The following MED13 variants were observed in gnomAD, a reference collection of about 807,000 sequenced individuals.
MED13 encodes the protein mediator complex subunit 13.
In MED13, 23 loss-of-function variants were observed where a neutral mutation model predicts 225.2. The observed-to-expected ratio is 0.10, with a 90% confidence interval of 0.07 to 0.14. The LOEUF is 0.14. MED13 is among the 10% of genes least tolerant of loss of function. The pLI is 1.00. For synonymous variants in MED13, 942 were observed against 889.2 expected (o/e 1.06, Z -1.06); for missense variants, 2,197 against 2,594.5 (o/e 0.85, Z 3.33).
intron 22 of MED13, 139 bp from the exon 23 acceptor site, chr17:61,961,229 T>C (rs1383385769): frequency 2.5e-6 from 2 of 799,976 alleles, no homozygotes; most frequent in African/African-American, 1.7e-5. Flanking sequence ...TAGTTTTGCA[T>C]AGTATCATAA....
At chr17:61,997,476 A>C (rs2080356382) in intron 9 of MED13, among the ~76,000 whole-genome samples, 2 of 152,120 alleles carry the variant, frequency 1.3e-5, no homozygotes, top group African/African-American at 4.8e-5. Flanking sequence ...CGGTTAGCTG[A>C]ATTGTCTACC....
Position 61,955,807 on chromosome 17 carries a change from C to A in MED13, c.5655G>T (p.Leu1885Phe). 6.5e-7 allele frequency: 1 copy of A among 1,548,128 alleles called. No homozygotes were observed. Among genetic ancestry groups the A allele is most frequent in the African/African-American group, 1.5e-5 (1 of 66,416 alleles). Residue 1885 changes from leucine (L) to phenylalanine (F), a missense_variant, in exon 25 of 30, where the codon TTG becomes TTT. Physicochemically the swap from Leu to Phe is conservative, Grantham distance 22 (BLOSUM62 0). Transcript: ENST00000397786. ...DWSCLLSRRN[L>F]QSLSKRLKDM... ...CTTTGAGCCTTTTACTTAGAGACTG[C>A]AAGTTTCGACGACTCAGCAAACAGC...
chr17:61,960,734 TAAAA>T, intron 23 of MED13, 129 bp downstream of exon 23: 1 of 562,990 alleles, frequency 1.8e-6, no homozygotes. Context: ...AAGAAAAAAG[TAAAA>T]AGCACCCACA....
At chr17:62,033,593 G>A (rs911690633) in intron 5 of MED13, among the ~76,000 whole-genome samples, 194 bp downstream of exon 5, 1 of 152,160 alleles carries the variant, frequency 6.6e-6, no homozygotes, top group Non-Finnish European at 1.5e-5. Flanking sequence ...TTTAACCTAG[G>A]TTACAGAATG....
At chr17:62,021,143 CCT>C (rs1429163138) in intron 8 of MED13, among the ~76,000 whole-genome samples, 2 of 151,482 alleles carry the variant, frequency 1.3e-5, no homozygotes, top group Admixed American at 6.6e-5. Flanking sequence ...CCGCCTTTCC[CCT>C]CTTTCTATTC....
At chr17:61,966,696 G>A (rs2080062042) in intron 18 of MED13, 45 bp from the exon 19 acceptor site, 1 of 1,328,146 alleles carries the variant, frequency 7.5e-7, no homozygotes, top group Non-Finnish European at 1.0e-6. Flanking sequence ...ATTTATTATT[G>A]TATTTAGATA....
chr17:62,029,774 GTTTATAC>G (rs775338333), intron 7 of MED13, 70 bp downstream of exon 7: 2 of 1,520,110 alleles, frequency 1.3e-6, no homozygotes, highest in South Asian at 1.3e-5. Flanking sequence ...ACAAATGACT[GTTTATAC>G]TTTAGATATC....
In MED13 at chr17:61,984,289, G is replaced by C; in HGVS notation, c.2770C>G (p.Pro924Ala). Reference sequence around the variant, plus strand: ...TTGATAGGGGGCAGATATTGGCTTGGTAGAGTTTTTAGAGGTGCAAACATG... The same window carrying C: ...TTGATAGGGGGCAGATATTGGCTTGCTAGAGTTTTTAGAGGTGCAAACATG... ...CSMFAPLKTL[P>A]SQYLPPIKLP... The change falls in exon 15 of 30, where the codon CCA (proline) becomes GCA (alanine). Residue 924 changes from proline to alanine, a missense_variant. Transcript: ENST00000397786. 6.2e-7 allele frequency: 1 copy of C among 1,611,342 alleles called. No individual in the cohort carries two copies. Among genetic ancestry groups the C allele is most frequent in the South Asian group, 1.1e-5 (1 of 90,646 alleles).
intron 9 of MED13, chr17:62,003,821 C>T (rs1229967538): frequency 6.6e-6 from 1 of 152,116 alleles, no homozygotes. Flanking sequence ...TCCAGTACCA[C>T]TCTACCCTGC....
intron 27 of MED13, 71 bp from the exon 28 acceptor site, chr17:61,951,069 G>T: frequency 8.4e-7 from 1 of 1,191,510 alleles, no homozygotes; most frequent in Non-Finnish European, 1.2e-6. Flanking sequence ...AACACAGAAT[G>T]GCTCATAGCA....
At chr17:61,990,315 T>C (rs2080284856) in intron 11 of MED13, among the ~76,000 whole-genome samples, 2 of 151,874 alleles carry the variant, frequency 1.3e-5, no homozygotes, top group South Asian at 4.1e-4. Flanking sequence ...CACACACACA[T>C]ATATATACAC....
chr17:62,031,709 AC>A, intron 5 of MED13, 71 bp from the exon 6 acceptor site: 1 of 982,652 alleles, frequency 1.0e-6, no homozygotes, highest in Non-Finnish European at 1.4e-6. Context: ...ACTCAAAAGT[AC>A]TATAATGGAA....
Position 61,945,390 on chromosome 17 carries a change from A to G in MED13, c.*1078T>C, listed in dbSNP as rs2079844701. 6.6e-6 allele frequency: 1 copy of G among 152,628 alleles called. No individual in the cohort carries two copies. Among genetic ancestry groups the G allele is most frequent in the East Asian group, 1.9e-4 (1 of 5,202 alleles). 9.5% of individuals were successfully genotyped at this position (152,628 alleles called of 1,614,324 possible). A position where few individuals can be genotyped will look rare whatever the true frequency, so the allele number is the denominator to read the frequency against. On this transcript the variant is annotated 3_prime_UTR_variant, in exon 30 of 30. Transcript: ENST00000397786. ...AGCAGATCCTGAAAATAAATTTCAT[A>G]ATAATATTTCCATGCCTAAATATGC...
intron 8 of MED13, among the ~76,000 whole-genome samples, chr17:62,016,169 G>C (rs986918135): frequency 8.1e-6 from 1 of 124,126 alleles, no homozygotes; most frequent in Non-Finnish European, 1.6e-5. Context: ...AAAAAACCAA[G>C]AACAACAACA....
chr17:61,987,596 T>A (rs1176950771), intron 11 of MED13, among the ~76,000 whole-genome samples: 1 of 152,106 alleles, frequency 6.6e-6, no homozygotes, highest in Non-Finnish European at 1.5e-5. Context: ...GAAAAAAAAG[T>A]TATAAATAAA....
rs1217870751 is a variant in MED13, at chr17:62,029,590, A to G, written c.1234T>C (p.Ser412Pro). ...TGTGTGGCTTCAACAAAATCCCAGG[A>G]TGCCACTTTAGCAGCTGTCGCTTCT... Reference protein sequence around the residue: ...CEEATAAKVASWDFVEATQRT... With the variant: ...CEEATAAKVAPWDFVEATQRT... Residue 412 changes from serine (S) to proline (P), a missense_variant, in exon 8 of 30, where the codon TCC becomes CCC. Around this residue, in one of 12 missense-constraint regions of MED13, gnomAD observed 884 missense variants for 918.5 expected, o/e 0.96. Transcript: ENST00000397786. 2 of 1,614,090 alleles carry G rather than the reference A, an allele frequency of 1.2e-6. No individual in the cohort carries two copies. Among genetic ancestry groups the G allele is most frequent in the East Asian group, 4.5e-5 (2 of 44,894 alleles).
chr17:62,034,719 C>T (rs961113775), intron 4 of MED13, among the ~76,000 whole-genome samples: 2 of 152,076 alleles, frequency 1.3e-5, no homozygotes, highest in African/African-American at 4.8e-5. Context: ...GAACACACTG[C>T]CAAGCCTTAG....
At chr17:62,043,184 AGAAAGAAAG>A (rs1408483876) in intron 3 of MED13, among the ~76,000 whole-genome samples, 2 of 120,400 alleles carry the variant, frequency 1.7e-5, no homozygotes, top group African/African-American at 5.8e-5. Flanking sequence ...AAAAAAAAAA[AGAAAGAAAG>A]AAAGAAAGAA....
intron 9 of MED13, among the ~76,000 whole-genome samples, chr17:61,998,588 CCCA>C (rs909947946): frequency 2.7e-5 from 4 of 149,892 alleles, no homozygotes; most frequent in Admixed American, 6.7e-5. Context: ...TCAAAATCTT[CCCA>C]CCGCCTTTTT....
Sources: allele counts gnomAD v4.1 joint callset (sites outside exome capture counted in the v4.1 genomes callset), GRCh38; gene constraint gnomAD v4.1.1; regional missense constraint gnomAD v4.1.1; transcripts MANE v1.5; gene names NCBI Gene and HGNC (gene_info 2026-07-23, HGNC 2026-07-21).